Variants in RNF130 observed in about 807,000 individuals in gnomAD.
The protein encoded by RNF130 is ring finger protein 130.
Under a neutral mutation model 44.6 loss-of-function variants are expected in RNF130, and 21 were observed. That is an observed-to-expected ratio of 0.47 (90% CI 0.33 to 0.68). RNF130 has a LOEUF of 0.68. RNF130 is among the 30% of genes least tolerant of loss of function. The probability of loss-of-function intolerance (pLI) is 0.02; values close to 1 mark genes in which losing one functional copy is unlikely to be tolerated. For missense variants in RNF130, 479 were observed against 560.6 expected, an observed-to-expected ratio of 0.85 and a Z score of 1.47; for synonymous variants, 214 against 210.4, an observed-to-expected ratio of 1.02 and a Z score of -0.15.
At chr5:179,920,039 G>C in exon 8 of RNF130, 1 of 390,568 alleles carries the variant, frequency 2.6e-6, no homozygotes, top group Admixed American at 3.7e-5. Flanking sequence ...TCCTGGGCCC[G>C]GCCTCTTCTC....
chr5:180,024,909 T>C (rs1172809390), intron 2 of RNF130, among the ~76,000 whole-genome samples: 3 of 152,186 alleles, frequency 2.0e-5, no homozygotes, highest in Middle Eastern at 3.2e-3. Context: ...TGGGGGTGTC[T>C]GGAAGCCCTG....
At chr5:179,945,230 C>T (rs980925337) in intron 7 of RNF130, among the ~76,000 whole-genome samples, 70 of 152,272 alleles carry the variant, frequency 4.6e-4, no homozygotes, top group African/African-American at 1.6e-3. Flanking sequence ...GACCCCTTTC[C>T]CTCCACTACG....
chr5:180,031,056 A>G (rs779240530), intron 2 of RNF130, among the ~76,000 whole-genome samples: 1 of 152,236 alleles, frequency 6.6e-6, no homozygotes, highest in African/African-American at 2.4e-5. Flanking sequence ...CACTTAATAA[A>G]CAGTAAATAT....
chr5:179,937,001 C>T (rs1761898467), intron 7 of RNF130, among the ~76,000 whole-genome samples: 1 of 152,098 alleles, frequency 6.6e-6, no homozygotes, highest in African/African-American at 2.4e-5. Flanking sequence ...AAGTATAAAA[C>T]CGATGGAAGT....
chr5:179,914,339 T>C (rs1039009692), exon 8 of RNF130: 1 of 152,258 alleles, frequency 6.6e-6, no homozygotes, highest in Non-Finnish European at 1.5e-5. Context: ...AAACTCTGCT[T>C]CCGGGTGACA....
At chr5:180,025,108 G>A (rs974497679) in intron 2 of RNF130, among the ~76,000 whole-genome samples, 2 of 152,194 alleles carry the variant, frequency 1.3e-5, no homozygotes, top group South Asian at 2.1e-4. Context: ...CATCAATGCG[G>A]GGTAGAGATC....
chr5:180,048,445 G>T (rs1764619538), intron 1 of RNF130, among the ~76,000 whole-genome samples: 2 of 152,088 alleles, frequency 1.3e-5, no homozygotes. Flanking sequence ...AAGAACCAGT[G>T]TTCCATGTAA....
intron 5 of RNF130, among the ~76,000 whole-genome samples, chr5:179,973,343 A>C: frequency 6.6e-6 from 1 of 151,418 alleles, no homozygotes; most frequent in East Asian, 1.9e-4. Context: ...TCTCCTCATC[A>C]CCCATTGTCT....
intron 7 of RNF130, among the ~76,000 whole-genome samples, chr5:179,945,161 G>A (rs554148766): frequency 3.0e-4 from 46 of 152,320 alleles, no homozygotes; most frequent in African/African-American, 1.1e-3. Context: ...AACAGGAACG[G>A]CCACTGGAGG....
chr5:180,016,241 C>A (rs1334577977), intron 2 of RNF130, among the ~76,000 whole-genome samples: 3 of 152,182 alleles, frequency 2.0e-5, no homozygotes, highest in Non-Finnish European at 4.4e-5. Flanking sequence ...AGGGCCTTCT[C>A]CCCATACTCC....
At chr5:179,997,008 T>C (rs1763215060) in intron 3 of RNF130, among the ~76,000 whole-genome samples, 1 of 152,246 alleles carries the variant, frequency 6.6e-6, no homozygotes, top group African/African-American at 2.4e-5. Context: ...ACTGGTCTGT[T>C]TGATCAGGTT....
chr5:180,017,903 C>T (rs1012381694), intron 2 of RNF130, among the ~76,000 whole-genome samples: 1 of 152,218 alleles, frequency 6.6e-6, no homozygotes, highest in African/African-American at 2.4e-5. Context: ...TACCTGCAGG[C>T]TTCACAGCAG....
At chr5:179,922,373 C>T (rs554086210) in intron 7 of RNF130, among the ~76,000 whole-genome samples, 20 of 152,106 alleles carry the variant, frequency 1.3e-4, no homozygotes, top group Admixed American at 5.9e-4. Flanking sequence ...TGTGCAATGG[C>T]GCCATCTCGG....
chr5:180,035,248 G>A (rs547105741), intron 2 of RNF130, among the ~76,000 whole-genome samples: 10 of 152,248 alleles, frequency 6.6e-5, no homozygotes, highest in African/African-American at 2.4e-4. Flanking sequence ...GGTTCCAAAT[G>A]TTTTTAAAAT....
intron 8 of RNF130, among the ~76,000 whole-genome samples, chr5:179,960,807 T>G (rs981410918): frequency 6.6e-6 from 1 of 150,480 alleles, no homozygotes; most frequent in Admixed American, 6.6e-5. Flanking sequence ...TACAAATGGA[T>G]GAGGTTACCC....
chr5:180,066,560 A>C (rs931844581), intron 1 of RNF130, among the ~76,000 whole-genome samples: 16 of 152,196 alleles, frequency 1.1e-4, no homozygotes. Flanking sequence ...TGGGCAATAC[A>C]GCGAGACCCT....
chr5:179,986,572 C>T (rs1198308708), intron 3 of RNF130, among the ~76,000 whole-genome samples: 1 of 152,226 alleles, frequency 6.6e-6, no homozygotes, highest in East Asian at 1.9e-4. Context: ...CAAGTGGACA[C>T]TGGCAACACT....
chr5:180,010,370 A>AT (rs963504697), intron 3 of RNF130, among the ~76,000 whole-genome samples: 7 of 141,828 alleles, frequency 4.9e-5, no homozygotes, highest in African/African-American at 1.8e-4. Context: ...TTTTTTCTTT[A>AT]TTTTTTTGAA....
At chr5:180,056,121 C>A (rs537353013) in intron 1 of RNF130, among the ~76,000 whole-genome samples, 6 of 151,662 alleles carry the variant, frequency 4.0e-5, no homozygotes, top group Admixed American at 2.0e-4. Flanking sequence ...AACAAACAAA[C>A]CATCACCACC....
Sources: gnomAD v4.1 joint callset for allele counts (sites outside exome capture counted in the v4.1 genomes callset) on GRCh38, gnomAD v4.1.1 for gene constraint, MANE v1.5 for transcripts, NCBI Gene and HGNC (gene_info 2026-07-23, HGNC 2026-07-21) for gene names.